Variants in SGCZ observed in about 807,000 individuals in gnomAD.
The protein encoded by SGCZ is zeta-sarcoglycan.
In SGCZ, 40 loss-of-function variants were observed where a neutral mutation model predicts 41.3. The ratio of observed to expected loss-of-function variants is 0.97; its 90% confidence interval spans 0.75 to 1.26. The LOEUF is 1.26. SGCZ is among the 50% of genes most tolerant of loss of function. The pLI is 0.00. For missense variants in SGCZ, 552 were observed against 369.8 expected (o/e 1.49, Z -4.04); for synonymous variants, 206 against 137.5 (o/e 1.50, Z -3.49).
At chr8:14,739,185 G>C (rs1799131227) in intron 1 of SGCZ, among the ~76,000 whole-genome samples, 1 of 151,884 alleles carries the variant, frequency 6.6e-6, no homozygotes, top group Non-Finnish European at 1.5e-5. Context: ...TTTAAATCTA[G>C]GTGGAAAATA....
intron 3 of SGCZ, among the ~76,000 whole-genome samples, chr8:14,252,931 T>C (rs533795293): frequency 6.6e-6 from 1 of 152,314 alleles, no homozygotes; most frequent in Non-Finnish European, 1.5e-5. Flanking sequence ...AGAAAATACA[T>C]CTTTTTGTAA....
chr8:15,006,059 C>T (rs371494011), intron 1 of SGCZ, among the ~76,000 whole-genome samples: 10 of 152,186 alleles, frequency 6.6e-5, no homozygotes, highest in Middle Eastern at 3.4e-3. Flanking sequence ...TATATTAGCA[C>T]GACTAGGCTG....
chr8:14,967,823 T>G (rs1801169491), intron 1 of SGCZ, among the ~76,000 whole-genome samples: 1 of 152,140 alleles, frequency 6.6e-6, no homozygotes, highest in African/African-American at 2.4e-5. Context: ...AAATGTTGAT[T>G]AAAAATTACT....
intron 1 of SGCZ, among the ~76,000 whole-genome samples, chr8:14,784,528 G>A (rs111953253): frequency 9.2e-5 from 14 of 151,938 alleles, no homozygotes; most frequent in Non-Finnish European, 1.8e-4. Flanking sequence ...TGAACTGGTA[G>A]TACCATTACT....
In SGCZ at chr8:14,475,350, T is replaced by G. The variant is rs144959286; in HGVS notation, c.234+79382A>C. Among the ~76,000 whole-genome samples the G allele has an allele frequency of 2.1e-3, 313 of 152,238 alleles. 3 individuals carry two copies. The highest frequency in any genetic ancestry group is 7.2e-3 in the African/African-American group (299 of 41,568). ...TACAAGTAAAGCAACTAATAAGTAA[T>G]TGTAAATATAAATTTTGTAATTTGT... is the stretch of plus-strand genomic sequence containing the variant. On this transcript the variant is annotated intron_variant, in intron 2 of 7. Coordinates refer to ENST00000382080, the MANE Select transcript of SGCZ (RefSeq NM_139167.4).
chr8:14,917,996 A>C (rs923872709), intron 1 of SGCZ, among the ~76,000 whole-genome samples: 1 of 152,180 alleles, frequency 6.6e-6, no homozygotes, highest in Non-Finnish European at 1.5e-5. Flanking sequence ...TTTTATTTAA[A>C]TATGAAAGAC....
chr8:14,104,841 A>G (rs887623848), intron 6 of SGCZ, among the ~76,000 whole-genome samples: 1 of 152,144 alleles, frequency 6.6e-6, no homozygotes, highest in Non-Finnish European at 1.5e-5. Flanking sequence ...TGCAACAATG[A>G]GAATTATGAA....
At chr8:14,356,824 T>C (rs915508466) in intron 2 of SGCZ, among the ~76,000 whole-genome samples, 4 of 152,068 alleles carry the variant, frequency 2.6e-5, no homozygotes, top group Non-Finnish European at 5.9e-5. Context: ...TTAATAAAAG[T>C]TAGCTACTTA....
intron 1 of SGCZ, among the ~76,000 whole-genome samples, chr8:14,637,149 A>G (rs1017179250): frequency 6.6e-6 from 1 of 151,420 alleles, no homozygotes; most frequent in African/African-American, 2.4e-5. Context: ...TTACCTACCC[A>G]TATATGTGAA....
rs377216371 is a variant in SGCZ, at chr8:14,679,056, A to G, written c.40-124130T>C. ...TGAAGCTCAAAAATTCCTATCGTCT[A>G]GTGATGTCATACTGTCGTAAACTCA... is the stretch of plus-strand genomic sequence containing the variant. On this transcript the variant is annotated intron_variant, in intron 1 of 7. Transcript: ENST00000382080. Among the ~76,000 whole-genome samples, 4 of 152,240 alleles carry G rather than the reference A, an allele frequency of 2.6e-5. No homozygotes were observed. The East Asian group carries it at 7.7e-4, about 29-fold the overall frequency.
chr8:14,780,951 A>T (rs1346423611), intron 1 of SGCZ, among the ~76,000 whole-genome samples: 1 of 152,200 alleles, frequency 6.6e-6, no homozygotes, highest in Non-Finnish European at 1.5e-5. Context: ...CCAAAGATAC[A>T]GAGAATAAAA....
intron 2 of SGCZ, among the ~76,000 whole-genome samples, chr8:14,526,604 T>G (rs1179445758): frequency 6.6e-6 from 1 of 152,136 alleles, no homozygotes; most frequent in African/African-American, 2.4e-5. Flanking sequence ...AAAAAATACA[T>G]ATCTATTTTT....
intron 4 of SGCZ, among the ~76,000 whole-genome samples, chr8:14,181,459 C>G (rs1287963567): frequency 6.6e-6 from 1 of 152,184 alleles, no homozygotes; most frequent in Non-Finnish European, 1.5e-5. Flanking sequence ...TGGGCATCCC[C>G]CATCCCCAAA....
chr8:14,382,069 G>C (rs368062390), intron 2 of SGCZ, among the ~76,000 whole-genome samples: 2 of 152,034 alleles, frequency 1.3e-5, no homozygotes, highest in Admixed American at 1.3e-4. Flanking sequence ...CAGTGAAAGC[G>C]GCAGGAAAAA....
intron 1 of SGCZ, among the ~76,000 whole-genome samples, chr8:14,873,668 A>C (rs569171130): frequency 6.6e-6 from 1 of 152,224 alleles, no homozygotes; most frequent in Non-Finnish European, 1.5e-5. Context: ...TCCAGCAAGA[A>C]TAAAGATGAG....
At chr8:14,695,218 T>G (rs1808920593) in intron 1 of SGCZ, among the ~76,000 whole-genome samples, 1 of 152,150 alleles carries the variant, frequency 6.6e-6, no homozygotes, top group South Asian at 2.1e-4. Context: ...GACATAATGA[T>G]GTATTGCCAT....
chr8:14,434,914 A>C (rs867115239), intron 2 of SGCZ, among the ~76,000 whole-genome samples: 17 of 152,278 alleles, frequency 1.1e-4, no homozygotes, highest in Middle Eastern at 3.4e-3. Flanking sequence ...GTGGAGAGCA[A>C]GTCCTCACCA....
At chr8:14,299,684 T>G (rs1433605036) in intron 3 of SGCZ, among the ~76,000 whole-genome samples, 1 of 151,840 alleles carries the variant, frequency 6.6e-6, no homozygotes, top group Non-Finnish European at 1.5e-5. Context: ...TGTAGAGCAA[T>G]GGGATCTCTT....
intron 3 of SGCZ, among the ~76,000 whole-genome samples, chr8:14,271,377 G>A (rs571125936): frequency 3.9e-5 from 6 of 152,264 alleles, no homozygotes; most frequent in Admixed American, 1.3e-4. Flanking sequence ...ATTGTTAAAT[G>A]TGAGCTTTAA....
Sources: gnomAD v4.1 joint callset for allele counts (sites outside exome capture counted in the v4.1 genomes callset) on GRCh38, gnomAD v4.1.1 for gene constraint, MANE v1.5 for transcripts, NCBI Gene and HGNC (gene_info 2026-07-23, HGNC 2026-07-21) for gene names.